CRY2: variants seen among roughly 807,000 people sequenced by gnomAD.
CRY2 encodes cryptochrome-2.
Under a neutral mutation model 69.5 loss-of-function variants are expected in CRY2, and 31 were observed. That is an observed-to-expected ratio of 0.45 (90% confidence interval 0.34 to 0.60). The LOEUF is 0.60. Ranked by LOEUF, CRY2 falls within the 20% of genes least tolerant of loss-of-function variation. The pLI is 0.02. For synonymous variants in CRY2, 303 were observed against 312.2 expected (o/e 0.97, Z 0.31); for missense variants, 606 against 797.8 (o/e 0.76, Z 2.90).
intron 6 of CRY2, 96 bp downstream of exon 6, chr11:45,867,848 G>A: frequency 6.5e-7 from 1 of 1,537,208 alleles, no homozygotes; most frequent in East Asian, 2.3e-5. Flanking sequence ...GTGGGTGGGG[G>A]TTGGGCTATG....
chr11:45,847,754 C>T lies in CRY2; in HGVS notation c.215+49C>T, dbSNP rs1212532375. 2.0e-6 allele frequency: 3 copies of T among 1,496,304 alleles called. No homozygotes were observed. The East Asian group carries it at 7.5e-5, about 37-fold the overall frequency. The allele number at this position is 1,496,304 out of a possible 1,614,324, so 92.7% of individuals were successfully genotyped here. On this transcript the variant is annotated intron_variant, in intron 1 of 11. Transcript: ENST00000616080. ...GCGGGGACGCAGCCAGGACCCTGAC[C>T]CTGGGGTGACCGGCGAACAGCACGA...
chr11:45,859,249 C>G (rs906069419), intron 3 of CRY2, among the ~76,000 whole-genome samples: 4 of 152,158 alleles, frequency 2.6e-5, no homozygotes, highest in African/African-American at 9.7e-5. Flanking sequence ...CAACAGACCT[C>G]TGTTCACACA....
chr11:45,849,621 T>G (rs757030623), intron 1 of CRY2, among the ~76,000 whole-genome samples: 1 of 112,806 alleles, frequency 8.9e-6, no homozygotes, highest in African/African-American at 2.8e-5. Flanking sequence ...CCCCCAATTC[T>G]ATTTTTTTTT....
chr11:45,875,484 A>G (rs2086418246), intron 11 of CRY2, among the ~76,000 whole-genome samples: 1 of 152,202 alleles, frequency 6.6e-6, no homozygotes, highest in African/African-American at 2.4e-5. Flanking sequence ...GAGAGGCTTG[A>G]CAGTGATTCC....
intron 2 of CRY2, among the ~76,000 whole-genome samples, 189 bp from the exon 3 acceptor site, chr11:45,858,542 T>G (rs2086261282): frequency 6.6e-6 from 1 of 152,270 alleles, no homozygotes; most frequent in African/African-American, 2.4e-5. Context: ...CCACACTGCC[T>G]GCCCTCCTCA....
chr11:45,876,225 G>T (rs1180684131), intron 11 of CRY2, among the ~76,000 whole-genome samples: 1 of 151,956 alleles, frequency 6.6e-6, no homozygotes, highest in Non-Finnish European at 1.5e-5. Flanking sequence ...GTCTCCTTTA[G>T]CTCTGAGCTC....
chr11:45,863,326 A>G (rs1354913350), intron 5 of CRY2, among the ~76,000 whole-genome samples: 3 of 152,122 alleles, frequency 2.0e-5, no homozygotes, highest in Non-Finnish European at 2.9e-5. Context: ...GCTATCATCT[A>G]TGGTTAGTTT....
intron 2 of CRY2, 129 bp downstream of exon 2, chr11:45,856,219 G>A: frequency 1.3e-6 from 1 of 784,610 alleles, no homozygotes; most frequent in Non-Finnish European, 2.1e-6. Flanking sequence ...TGCTGCTAGA[G>A]AAGTTGGGAG....
At chr11:45,864,133 A>G (rs1408617099) in intron 5 of CRY2, among the ~76,000 whole-genome samples, 1 of 152,140 alleles carries the variant, frequency 6.6e-6, no homozygotes, top group Non-Finnish European at 1.5e-5. Flanking sequence ...AGTTTCTGGT[A>G]CTAGCCACCA....
At chr11:45,876,401 A>G (rs1367480087) in intron 11 of CRY2, among the ~76,000 whole-genome samples, 3 of 152,230 alleles carry the variant, frequency 2.0e-5, no homozygotes, top group Non-Finnish European at 2.9e-5. Context: ...ATTAAGTTTT[A>G]TTTTACAGCA....
intron 11 of CRY2, among the ~76,000 whole-genome samples, chr11:45,880,405 C>G (rs1372553726): frequency 2.6e-5 from 4 of 152,162 alleles, no homozygotes; most frequent in African/African-American, 9.7e-5. Context: ...CCACAATCTT[C>G]CAGCACTGTG....
chr11:45,870,801 C>A (rs1354295995), intron 9 of CRY2, 41 bp from the exon 10 acceptor site: 1 of 1,544,610 alleles, frequency 6.5e-7, no homozygotes, highest in Non-Finnish European at 8.9e-7. Flanking sequence ...CTCTGCAATC[C>A]TGCGAGACGG....
intron 6 of CRY2, 180 bp downstream of exon 6, chr11:45,867,932 C>T: frequency 1.3e-6 from 1 of 754,140 alleles, no homozygotes; most frequent in Non-Finnish European, 2.1e-6. Context: ...GAGGGCAGAG[C>T]CAAGCACAGA....
At position 45,870,884 on chromosome 11, in the gene CRY2, A is replaced by G; in HGVS notation, c.1592A>G (p.His531Arg). The G allele has an allele frequency of 3.1e-6, 5 of 1,613,374 alleles. No individual in the cohort carries two copies. Among genetic ancestry groups the G allele is most frequent in the Non-Finnish European group, 4.2e-6 (5 of 1,180,020 alleles). The change falls in exon 10 of 12, where the codon CAC (histidine) becomes CGC (arginine). Residue 531 changes from histidine (H) to arginine (R), a missense_variant. Around this residue, in one of 5 missense-constraint regions of CRY2, gnomAD observed 173 missense variants for 213.7 expected, o/e 0.81. Transcript: ENST00000616080. Reference sequence around the variant, plus strand: ...CCTTCCTGTGTGGAAGACCTCAGTCACCCTGTGGCAGAGCCCAGCTCGAGC... The same window carrying G: ...CCTTCCTGTGTGGAAGACCTCAGTCGCCCTGTGGCAGAGCCCAGCTCGAGC... ...SVPSCVEDLS[H>R]PVAEPSSSQA... is the part of the protein sequence containing the mutation.
At chr11:45,864,215 CTG>C (rs1164227139) in intron 5 of CRY2, among the ~76,000 whole-genome samples, 1 of 152,120 alleles carries the variant, frequency 6.6e-6, no homozygotes, top group Admixed American at 6.5e-5. Flanking sequence ...AAAATCCAGA[CTG>C]TGGGAATCTT....
At position 45,870,464 on chromosome 11, in the gene CRY2, A is replaced by G. The variant is rs1294463862; in HGVS notation, c.1481A>G (p.Glu494Gly). 1 of 1,614,216 alleles carries G rather than the reference A, an allele frequency of 6.2e-7. No homozygotes were observed. Among genetic ancestry groups the G allele is most frequent in the Admixed American group, 1.7e-5 (1 of 60,030 alleles). Residue 494 changes from glutamate to glycine, a missense_variant, in exon 9 of 12, where the codon GAG (glutamate) becomes GGG (glycine). This residue lies in a region of CRY2 where 173 missense variants were observed against 213.7 expected (regional missense o/e 0.81). Transcript: ENST00000616080. ...DYPRPIVNHA[E>G]TSRLNIERMK... ...CCACGGCCCATCGTCAACCATGCCG[A>G]GACCAGCCGGCTTAACATTGAACGA...
chr11:45,870,723 G>A, intron 9 of CRY2, 119 bp from the exon 10 acceptor site: 3 of 1,099,642 alleles, frequency 2.7e-6, no homozygotes, highest in Non-Finnish European at 4.0e-6. Context: ...GGCTGTGGGA[G>A]GAAATGGAAC....
intron 11 of CRY2, among the ~76,000 whole-genome samples, chr11:45,879,178 A>G (rs1325488363): frequency 6.6e-6 from 1 of 152,014 alleles, no homozygotes; most frequent in East Asian, 1.9e-4. Flanking sequence ...GCAGTGAGCC[A>G]AGATCACTCC....
At chr11:45,860,824 C>T in intron 3 of CRY2, 24 bp from the exon 4 acceptor site, 3 of 1,611,360 alleles carry the variant, frequency 1.9e-6, no homozygotes, top group Non-Finnish European at 2.5e-6. Context: ...GTGGGTAACA[C>T]TAGCTATGCT....
Sources: gnomAD v4.1 joint callset for allele counts (sites outside exome capture counted in the v4.1 genomes callset) on GRCh38, gnomAD v4.1.1 for gene constraint, gnomAD v4.1.1 regional missense constraint, MANE v1.5 for transcripts, NCBI Gene and HGNC (gene_info 2026-07-23, HGNC 2026-07-21) for gene names.